The following GATAD2A variants were observed in gnomAD, a reference collection of about 807,000 sequenced individuals.
GATAD2A encodes GATA zinc finger domain containing 2A, also known as transcriptional repressor p66-alpha.
Under a neutral mutation model 68.5 loss-of-function variants are expected in GATAD2A, and 12 were observed. The ratio of observed to expected loss-of-function variants is 0.18; its 90% CI spans 0.11 to 0.28. GATAD2A has a LOEUF of 0.28. Among genes scored for constraint, GATAD2A ranks in the 10% least tolerant of loss-of-function variants. The pLI is 1.00. For missense variants in GATAD2A, 755 were observed against 868.5 expected, an observed-to-expected ratio of 0.87 and a Z score of 1.64; for synonymous variants, 410 against 375.3, an observed-to-expected ratio of 1.09 and a Z score of -1.07.
At chr19:19,487,141 T>A (rs2059492567) in intron 2 of GATAD2A, among the ~76,000 whole-genome samples, 2 of 152,220 alleles carry the variant, frequency 1.3e-5, no homozygotes, top group African/African-American at 2.4e-5. Flanking sequence ...AGGAGGAGAT[T>A]CCTGGCTCTG....
intron 11 of GATAD2A, among the ~76,000 whole-genome samples, chr19:19,502,886 G>A (rs1227423023): frequency 6.6e-6 from 1 of 152,190 alleles, no homozygotes; most frequent in East Asian, 1.9e-4. Context: ...TTGTGCCGCA[G>A]CAAACATCTT....
chr19:19,486,976 C>T (rs908602343), intron 2 of GATAD2A, among the ~76,000 whole-genome samples: 2 of 152,222 alleles, frequency 1.3e-5, no homozygotes, highest in East Asian at 1.9e-4. Flanking sequence ...TGCCGGCAGT[C>T]GTTTGAAGTC....
rs1015711764 is a variant in GATAD2A, at chr19:19,507,786, G to A, written c.*2312G>A. 3.9e-5 allele frequency: 6 copies of A among 152,182 alleles called. No homozygotes were observed. The highest frequency in any genetic ancestry group is 1.4e-4 in the African/African-American group (6 of 41,420). The allele number at this position is 152,182 out of a possible 1,614,324, so 9.4% of individuals were successfully genotyped here. A position where few individuals can be genotyped will look rare whatever the true frequency, so the allele number is the denominator to read the frequency against. ...TTTTCCCCCCAGGGGGCAAAAGTGT[G>A]AGATGCCTTAATCTTTCCTTCATTT... On this transcript the variant is annotated 3_prime_UTR_variant, in exon 12 of 12. Transcript: ENST00000683918.
chr19:19,425,821 G>T (rs1046102766), intron 1 of GATAD2A, among the ~76,000 whole-genome samples: 15 of 151,448 alleles, frequency 9.9e-5, no homozygotes, highest in Admixed American at 6.6e-4. Context: ...ACAAGGTCTG[G>T]CTCTGTCGCC....
chr19:19,479,894 A>G (rs951359715), intron 2 of GATAD2A, among the ~76,000 whole-genome samples: 3 of 140,008 alleles, frequency 2.1e-5, no homozygotes, highest in African/African-American at 5.5e-5. Flanking sequence ...CTGGAGTGCA[A>G]TGGCATGATC....
intron 1 of GATAD2A, among the ~76,000 whole-genome samples, chr19:19,408,035 C>T (rs777749146): frequency 1.1e-4 from 17 of 152,326 alleles, no homozygotes; most frequent in Admixed American, 3.3e-4. Flanking sequence ...GACGGAGTCT[C>T]GCTCTGTCAT....
chr19:19,428,586 G>A (rs1196314502), intron 1 of GATAD2A, among the ~76,000 whole-genome samples: 1 of 152,170 alleles, frequency 6.6e-6, no homozygotes, highest in Non-Finnish European at 1.5e-5. Context: ...CTAGGAGGAA[G>A]CTCGTGAGCA....
intron 8 of GATAD2A, among the ~76,000 whole-genome samples, chr19:19,500,094 G>C (rs1377843693): frequency 6.6e-6 from 1 of 152,220 alleles, no homozygotes; most frequent in Non-Finnish European, 1.5e-5. Flanking sequence ...CCTCATCAGG[G>C]CTCAGTCTCC....
chr19:19,479,218 G>A (rs1036996133), intron 2 of GATAD2A, among the ~76,000 whole-genome samples: 5 of 152,160 alleles, frequency 3.3e-5, no homozygotes, highest in African/African-American at 1.2e-4. Flanking sequence ...AAATCCGTGG[G>A]ACTCTTTTAC....
intron 1 of GATAD2A, 88 bp downstream of exon 1, chr19:19,406,107 C>G (rs1243738665): frequency 6.6e-6 from 1 of 152,314 alleles, no homozygotes; most frequent in African/African-American, 2.4e-5. Flanking sequence ...GGGTCGGGGC[C>G]TCGGGGGGCT....
chr19:19,497,779 G>A (rs759205430), intron 7 of GATAD2A, among the ~76,000 whole-genome samples: 1 of 152,176 alleles, frequency 6.6e-6, no homozygotes, highest in Non-Finnish European at 1.5e-5. Flanking sequence ...TGGCATGTGG[G>A]CAGTTCTGGG....
rs576930797 is a variant in GATAD2A at position 19,414,607 on chromosome 19, G to A, written c.-7+8588G>A. Among the ~76,000 whole-genome samples the A allele has an allele frequency of 2.0e-3, 281 of 141,046 alleles. 1 individual carries two copies. Among genetic ancestry groups the A allele is most frequent in the Non-Finnish European group, 3.0e-3 (202 of 66,608 alleles). The allele number at this position is 141,046 out of a possible 152,430, so 92.5% of individuals were successfully genotyped here. A position where few individuals can be genotyped will look rare whatever the true frequency, so the allele number is the denominator to read the frequency against. Reference sequence around the variant, plus strand: ...GTCTGGAGGGCAGTGGTGCAATCTCGGCTCACTGCAACCTCTGCATCACGG... The same window carrying A: ...GTCTGGAGGGCAGTGGTGCAATCTCAGCTCACTGCAACCTCTGCATCACGG... On this transcript the variant is annotated intron_variant, in intron 1 of 11. Coordinates refer to ENST00000683918, the MANE Select transcript of GATAD2A (RefSeq NM_001384528.1).
At chr19:19,466,446 C>T (rs541606467) in intron 2 of GATAD2A, among the ~76,000 whole-genome samples, 3 of 152,220 alleles carry the variant, frequency 2.0e-5, no homozygotes, top group South Asian at 2.1e-4. Context: ...CTCTCCTCAC[C>T]GCCCACTGGA....
At chr19:19,462,009 C>T (rs2057473504) in intron 1 of GATAD2A, among the ~76,000 whole-genome samples, 1 of 152,232 alleles carries the variant, frequency 6.6e-6, no homozygotes, top group South Asian at 2.1e-4. Context: ...CCGGAGCTGC[C>T]TTCCCCTCAC....
intron 1 of GATAD2A, among the ~76,000 whole-genome samples, chr19:19,443,704 T>C (rs1209414867): frequency 6.6e-6 from 1 of 152,064 alleles, no homozygotes; most frequent in Non-Finnish European, 1.5e-5. Context: ...TGTGGGTGGA[T>C]TTGAAATTTT....
intron 1 of GATAD2A, among the ~76,000 whole-genome samples, chr19:19,418,648 C>T (rs1016616179): frequency 6.6e-5 from 10 of 152,122 alleles, no homozygotes; most frequent in African/African-American, 2.2e-4. Context: ...AGACCCAGAG[C>T]GATTAAGACA....
intron 1 of GATAD2A, among the ~76,000 whole-genome samples, chr19:19,398,650 A>G (rs2049454320): frequency 6.6e-6 from 1 of 150,598 alleles, no homozygotes; most frequent in African/African-American, 2.4e-5. Context: ...ATTTAAACTT[A>G]CTTTCGGCTG....
chr19:19,468,984 C>G (rs1040603860), intron 2 of GATAD2A, among the ~76,000 whole-genome samples: 2 of 152,122 alleles, frequency 1.3e-5, no homozygotes, highest in Non-Finnish European at 2.9e-5. Flanking sequence ...CATATTAGTA[C>G]AAAAGATGGG....
rs992098068 is a variant in GATAD2A, at chr19:19,427,400, A to G, written c.-7+21381A>G. 4.0e-5 allele frequency: 6 copies of G among 149,142 alleles called. No homozygotes were observed. The Admixed American group carries it at 4.0e-4, about 10-fold the overall frequency. The allele number at this position is 149,142 out of a possible 1,614,324, so 9.2% of individuals were successfully genotyped here. A position where few individuals can be genotyped will look rare whatever the true frequency, so the allele number is the denominator to read the frequency against. On this transcript the variant is annotated intron_variant, in intron 1 of 11. Coordinates refer to ENST00000683918, the MANE Select transcript of GATAD2A (RefSeq NM_001384528.1). ...GAATTAGCTTGGGGACAAAGGGACAAAGGCACACACACTCATTTCCTAGCT... is the reference window on the plus strand; with the variant it reads ...GAATTAGCTTGGGGACAAAGGGACAGAGGCACACACACTCATTTCCTAGCT...
Sources: allele counts gnomAD v4.1 joint callset (sites outside exome capture counted in the v4.1 genomes callset), GRCh38; gene constraint gnomAD v4.1.1; transcripts MANE v1.5; gene names NCBI Gene and HGNC (gene_info 2026-07-23, HGNC 2026-07-21).